LMTK3: variants seen among roughly 807,000 people sequenced by gnomAD.
LMTK3 encodes the protein serine/threonine-protein kinase LMTK3.
LMTK3 carries 27 observed loss-of-function variants against 116.7 expected under a neutral mutation model. The observed-to-expected ratio is 0.23, with a 90% CI of 0.17 to 0.32. The LOEUF is 0.32. Ranked by LOEUF, LMTK3 falls within the 10% of genes least tolerant of loss-of-function variation. The pLI is 1.00. For missense variants in LMTK3, 1,764 were observed against 2,068.5 expected (o/e 0.85, Z 2.86); for synonymous variants, 965 against 971.0 (o/e 0.99, Z 0.11).
At chr19:48,486,047 C>CTTTTT (rs141193575) in intron 14 of LMTK3, among the ~76,000 whole-genome samples, 15 of 59,790 alleles carry the variant, frequency 2.5e-4, no homozygotes, top group African/African-American at 5.4e-4. Flanking sequence ...AACATTCTTC[C>CTTTTT]TTTTTTTTTT....
chr19:48,497,731 C>G lies in LMTK3; in HGVS notation c.3338G>C (p.Gly1113Ala). 3 of 1,339,026 alleles carry G rather than the reference C, an allele frequency of 2.2e-6. No homozygotes were observed. The highest frequency in any genetic ancestry group is 2.9e-6 in the Non-Finnish European group (3 of 1,050,114). The allele number at this position is 1,339,026 out of a possible 1,614,324, so 82.9% of individuals were successfully genotyped here. A position where few individuals can be genotyped will look rare whatever the true frequency, so the allele number is the denominator to read the frequency against. The change falls in exon 11 of 15, where the codon GGC (glycine) becomes GCC (alanine). Residue 1113 changes from glycine (G) to alanine (A), a missense_variant. Gly to Ala is a moderately conservative substitution (Grantham distance 60, BLOSUM62 0). Coordinates refer to ENST00000600059, the MANE Select transcript of LMTK3 (RefSeq NM_001388485.1). The surrounding 1 kb of genome is among the most constrained non-coding windows in gnomAD (Gnocchi z 5.7). ...GAGRLDLGSG[G>A]RAPVGTGTAP... ...CGTCCCCGTGCCCACTGGGGCTCGG[C>G]CCCCACTCCCGAGGTCCAGCCTCCC...
At chr19:48,509,374 A>T in intron 4 of LMTK3, 63 bp downstream of exon 4, 1 of 1,457,900 alleles carries the variant, frequency 6.9e-7, no homozygotes, top group Non-Finnish European at 9.4e-7. Context: ...AGGGGTGTGG[A>T]CACAGAACAG....
rs1334865635 is a variant in LMTK3, at chr19:48,491,441, G to A, written c.4191C>T (p.Thr1397=). The A allele has an allele frequency of 1.4e-6, 2 of 1,428,740 alleles. No homozygotes were observed. Among genetic ancestry groups the A allele is most frequent in the Admixed American group, 5.9e-5 (2 of 33,904 alleles). The allele number at this position is 1,428,740 out of a possible 1,614,324, so 88.5% of individuals were successfully genotyped here. A position where few individuals can be genotyped will look rare whatever the true frequency, so the allele number is the denominator to read the frequency against. ...CGTTGCTGGGAAACCCATCTCCGGG[G>A]GTGGCGGGGTGGGGAGGTGTCGGGG... ...PAPPTPPHPA[T]PGDGFPSNDS... Residue 1397 remains threonine, a synonymous_variant, in exon 13 of 15, where the codon ACC becomes ACT. Coordinates refer to ENST00000600059, the MANE Select transcript of LMTK3 (RefSeq NM_001388485.1). The surrounding 1 kb of genome is among the most constrained non-coding windows in gnomAD (Gnocchi z 5.1).
intron 10 of LMTK3, 44 bp from the exon 11 acceptor site, chr19:48,499,961 A>T: frequency 6.6e-7 from 1 of 1,518,304 alleles, no homozygotes; most frequent in Middle Eastern, 2.3e-4. Context: ...AGACCCAGGG[A>T]GGGGAAAGAG....
In LMTK3 at chr19:48,497,576, G is replaced by A; in HGVS notation, c.3493C>T (p.Pro1165Ser). ...GCCACCTCCGGCCTGGCTCTCGGGG[G>A]CGCTGGCTCCAGCCTCCTCGGCTGT... ...EAQPRRLEPA[P>S]PRARPEVAPE... The change falls in exon 11 of 15, where the codon CCC becomes TCC. Residue 1165 changes from proline (P) to serine (S), a missense_variant. This residue lies in a region of LMTK3 where 1,028 missense variants were observed against 1,050.6 expected (regional missense o/e 0.98). Transcript: ENST00000600059. The surrounding 1 kb of genome is among the most constrained non-coding windows in gnomAD (Gnocchi z 5.7). 2 of 1,349,636 alleles carry A rather than the reference G, an allele frequency of 1.5e-6. No individual in the cohort carries two copies. The highest frequency in any genetic ancestry group is 1.9e-6 in the Non-Finnish European group (2 of 1,050,374). 83.6% of individuals were successfully genotyped at this position (1,349,636 alleles called of 1,614,324 possible).
intron 14 of LMTK3, among the ~76,000 whole-genome samples, chr19:48,489,154 G>A (rs1407411912): frequency 1.3e-5 from 2 of 152,210 alleles, no homozygotes; most frequent in Admixed American, 1.3e-4. Flanking sequence ...AGTGTCTGCG[G>A]GGAGGGCCAG....
At chr19:48,496,599 G>A (rs939861616) in intron 11 of LMTK3, among the ~76,000 whole-genome samples, 3 of 150,484 alleles carry the variant, frequency 2.0e-5, no homozygotes, top group Admixed American at 2.0e-4. Context: ...CACCATGCCC[G>A]GCCCATGCCT....
At chr19:48,502,245 G>C (rs1972484110) in intron 7 of LMTK3, among the ~76,000 whole-genome samples, 188 bp downstream of exon 7, 1 of 137,250 alleles carries the variant, frequency 7.3e-6, no homozygotes, top group Admixed American at 7.6e-5. Context: ...CCTCTCACTT[G>C]GTTCCTCTCA....
intron 12 of LMTK3, among the ~76,000 whole-genome samples, chr19:48,492,787 C>T (rs1308799273): frequency 2.0e-5 from 3 of 152,068 alleles, no homozygotes; most frequent in African/African-American, 7.2e-5. Context: ...CTTGACTACC[C>T]AGTACCCCCT....
At chr19:48,496,120 T>G (rs1972317982) in intron 11 of LMTK3, among the ~76,000 whole-genome samples, 1 of 141,444 alleles carries the variant, frequency 7.1e-6, no homozygotes, top group African/African-American at 2.7e-5. Context: ...TTTTGTTTTG[T>G]TTTGTTTGAG....
rs550436465 is a variant in LMTK3, at chr19:48,498,900, G to A, written c.2169C>T (p.Ala723=). The A allele has an allele frequency of 2.5e-6, 3 of 1,219,338 alleles. No homozygotes were observed. Among genetic ancestry groups the A allele is most frequent in the South Asian group, 2.7e-5 (1 of 36,914 alleles). 75.5% of individuals were successfully genotyped at this position (1,219,338 alleles called of 1,614,324 possible). A position where few individuals can be genotyped will look rare whatever the true frequency, so the allele number is the denominator to read the frequency against. The part of the protein sequence containing the change: ...ERGSLADLPM[A]PPASAPPEFL... ...ACTCGGGGGGGGCCGAGGCGGGGGG[G>A]GCCATGGGCAAGTCGGCCAGGGAGC... is the stretch of plus-strand genomic sequence containing the variant. Residue 723 remains alanine (A), a synonymous_variant, in exon 11 of 15, where the codon GCC becomes GCT. Transcript: ENST00000600059.
intron 7 of LMTK3, 51 bp from the exon 8 acceptor site, chr19:48,501,613 C>G: frequency 2.0e-6 from 3 of 1,530,382 alleles, no homozygotes; most frequent in East Asian, 2.4e-5. Context: ...TCCAGCCACG[C>G]CCTGACCCCG....
At chr19:48,509,945 C>A (rs906253671) in intron 3 of LMTK3, 78 bp downstream of exon 3, 2 of 1,535,022 alleles carry the variant, frequency 1.3e-6, no homozygotes, top group South Asian at 1.2e-5. Context: ...ACCGCCCCAG[C>A]CCCTGAAGGA....
At chr19:48,501,454 C>T in intron 8 of LMTK3, 24 bp downstream of exon 8, 2 of 1,612,588 alleles carry the variant, frequency 1.2e-6, no homozygotes, top group Non-Finnish European at 1.7e-6. Flanking sequence ...CCACAGCCCC[C>T]ATCCCGACGG....
rs1345063361 is a variant in LMTK3 at position 48,497,970 on chromosome 19, C to T, written c.3099G>A (p.Thr1033=). 5 of 1,595,476 alleles carry T rather than the reference C, an allele frequency of 3.1e-6. No homozygotes were observed. The highest frequency in any genetic ancestry group is 2.7e-5 in the African/African-American group (2 of 73,536). Reference sequence around the variant, plus strand: ...TGGGGGCTGGACCCCAACTCTCGGGCGTCTTCTCCCAGGGCCCTGGGGCTC... The same window carrying T: ...TGGGGGCTGGACCCCAACTCTCGGGTGTCTTCTCCCAGGGCCCTGGGGCTC... ...PWRAPGPWEK[T]PESWGPAPTI... Residue 1033 remains threonine, a synonymous_variant, in exon 11 of 15, where the codon ACG becomes ACA. Transcript: ENST00000600059. This position sits in a 1 kb window ranked among gnomAD's most constrained non-coding sequence, Gnocchi z 5.7.
At position 48,486,112 on chromosome 19, in the gene LMTK3, T is replaced by G. The variant is rs1293904999; in HGVS notation, c.4367-323A>C. 1.7e-5 allele frequency among the ~76,000 whole-genome samples: 2 copies of G among 119,400 alleles called. 1 individual carries two copies. The highest frequency in any genetic ancestry group is 7.0e-5 in the African/African-American group (2 of 28,722). The allele number at this position is 119,400 out of a possible 152,430, so 78.3% of individuals were successfully genotyped here. A position where few individuals can be genotyped will look rare whatever the true frequency, so the allele number is the denominator to read the frequency against. On this transcript the variant is annotated intron_variant, in intron 14 of 14. Coordinates refer to ENST00000600059, the MANE Select transcript of LMTK3 (RefSeq NM_001388485.1). Reference sequence around the variant, plus strand: ...TCTCGCTCTGTCGCCCAGGCTGGAGTGCAGTGGCGCGATCTCGGCTCACTG... The same window carrying G: ...TCTCGCTCTGTCGCCCAGGCTGGAGGGCAGTGGCGCGATCTCGGCTCACTG...
rs1393791570 is a variant in LMTK3 at position 48,499,615 on chromosome 19, C to A, written c.1454G>T (p.Arg485Leu). The change falls in exon 11 of 15, where the codon CGG becomes CTG. Residue 485 changes from arginine (R) to leucine (L), a missense_variant. Arg to Leu is a moderately radical substitution (Grantham distance 102, BLOSUM62 -2). This residue lies in a region of LMTK3 where 1,028 missense variants were observed against 1,050.6 expected (regional missense o/e 0.98). Coordinates refer to ENST00000600059, the MANE Select transcript of LMTK3 (RefSeq NM_001388485.1). ...LNLECLWEKA[R>L]RGAGRGGGAP... is the part of the protein sequence containing the mutation. ...CCCCCCACCCCGGCCGGCCCCACGCCGGGCCTTCTCCCACAGGCACTCGAG... is the reference window on the plus strand; with the variant it reads ...CCCCCCACCCCGGCCGGCCCCACGCAGGGCCTTCTCCCACAGGCACTCGAG... 6.5e-6 allele frequency: 10 copies of A among 1,540,998 alleles called. No homozygotes were observed.
intron 14 of LMTK3, among the ~76,000 whole-genome samples, chr19:48,490,253 G>A (rs866451107): frequency 1.2e-4 from 19 of 152,170 alleles, no homozygotes; most frequent in Admixed American, 3.3e-4. Context: ...GCCAGGCCCG[G>A]TGGCTCACGC....
chr19:48,487,376 A>G (rs968784041), intron 14 of LMTK3, among the ~76,000 whole-genome samples: 2 of 152,044 alleles, frequency 1.3e-5, no homozygotes, highest in African/African-American at 4.8e-5. Context: ...GGGTTTCACC[A>G]TGTTGGCCGG....
Sources: allele counts gnomAD v4.1 joint callset (sites outside exome capture counted in the v4.1 genomes callset), GRCh38; gene constraint gnomAD v4.1.1; regional missense constraint gnomAD v4.1.1; non-coding constraint Gnocchi (gnomAD v3.1); transcripts MANE v1.5; gene names NCBI Gene and HGNC (gene_info 2026-07-23, HGNC 2026-07-21).